The following TDRD6 variants were observed in gnomAD, a reference collection of about 807,000 sequenced individuals.
TDRD6 encodes tudor domain containing 6, also known as tudor domain-containing protein 6.
A neutral mutation model predicts 157.5 loss-of-function variants in TDRD6; 186 were observed. That is an observed-to-expected ratio of 1.18 (90% CI 1.05 to 1.33). TDRD6 has a LOEUF of 1.33. Ranked by LOEUF, TDRD6 falls within the 40% of genes most tolerant of loss-of-function variation. The pLI is 0.00. For missense variants in TDRD6, 3,066 were observed against 2,508.0 expected (o/e 1.22, Z -4.75); for synonymous variants, 1,075 against 945.2 (o/e 1.14, Z -2.52).
In TDRD6 at chr6:46,689,091, C is replaced by T. The variant is rs1415907448; in HGVS notation, c.963C>T (p.Gly321=). 4 of 1,614,132 alleles carry T rather than the reference C, an allele frequency of 2.5e-6. No homozygotes were observed. The highest frequency in any genetic ancestry group is 3.4e-6 in the Non-Finnish European group (4 of 1,180,032). Residue 321 remains glycine, a synonymous_variant, in exon 1 of 4, where the codon GGC becomes GGT. Transcript: ENST00000316081. ...DKPGSPCASC[G]LDGHWYRALL... Reference sequence around the variant, plus strand: ...CGGGCTCTCCGTGTGCATCCTGTGGCCTGGATGGACATTGGTACAGAGCAC... The same window carrying T: ...CGGGCTCTCCGTGTGCATCCTGTGGTCTGGATGGACATTGGTACAGAGCAC...
the TDRD6 span, among the ~76,000 whole-genome samples, chr6:46,681,201 TG>T: frequency 6.6e-6 from 1 of 152,250 alleles, no homozygotes; most frequent in Non-Finnish European, 1.5e-5. Flanking sequence ...ATAACACTTC[TG>T]ATTTTATGAA....
In TDRD6 at chr6:46,693,835, AAAC is replaced by A. The variant is rs1295269904; in HGVS notation, c.5709_5711del (p.Gln1904del). On this transcript the variant is annotated inframe_deletion, in exon 1 of 4. Transcript: ENST00000316081. ...GCTTCCTCTCAGCTGTGAAGCTGAG[AAAC>A]AGCCAGAACTAGAACTACCTACAGC... The A allele has an allele frequency of 1.2e-6, 2 of 1,614,242 alleles. No homozygotes were observed. The highest frequency in any genetic ancestry group is 2.7e-5 in the African/African-American group (2 of 75,068).
chr6:46,696,029 C>T (rs1168198415), intron 2 of TDRD6, 84 bp downstream of exon 2: 19 of 1,431,084 alleles, frequency 1.3e-5, no homozygotes, highest in Middle Eastern at 2.3e-4. Context: ...GACTAGAGAA[C>T]GCGATTGAAC....
Position 46,690,387 on chromosome 6 carries a change from G to A in TDRD6, c.2259G>A (p.Gln753=). The change falls in exon 1 of 4, where the codon CAG becomes CAA. Residue 753 remains glutamine (Q), a synonymous_variant. Transcript: ENST00000316081. The part of the protein sequence containing the change: ...KRASVYFPLM[Q]NCLEIKPGSS... ...CATCTGTTTATTTTCCTCTTATGCA[G>A]AATTGCTTGGAAATTAAGCCAGGCT... The A allele has an allele frequency of 6.2e-7, 1 of 1,613,898 alleles. No homozygotes were observed. The highest frequency in any genetic ancestry group is 8.5e-7 in the Non-Finnish European group (1 of 1,180,034).
At chr6:46,700,576 CA>C (rs1764600171) in intron 3 of TDRD6, among the ~76,000 whole-genome samples, 1 of 152,082 alleles carries the variant, frequency 6.6e-6, no homozygotes, top group African/African-American at 2.4e-5. Context: ...AATGCATGCA[CA>C]TGATGCTATT....
chr6:46,687,735 T>TG (rs1764138400), upstream of TDRD6: 1 of 185,890 alleles, frequency 5.4e-6, no homozygotes, highest in Non-Finnish European at 1.1e-5. Context: ...TCTGAGGAGA[T>TG]GCAGGTTGTG....
chr6:46,691,005 A>G lies in TDRD6; in HGVS notation c.2877A>G (p.Pro959=). The G allele has an allele frequency of 6.2e-7, 1 of 1,613,984 alleles. No homozygotes were observed. Among genetic ancestry groups the G allele is most frequent in the Non-Finnish European group, 8.5e-7 (1 of 1,179,952 alleles). Residue 959 remains proline (P), a synonymous_variant, in exon 1 of 4, where the codon CCA becomes CCG. Transcript: ENST00000316081. ...TGGTAGAAAAGAGACTTGCAAGACC[A>G]GTAAAACTTCAGAAGCCTTTGGAGT... ...HFLVEKRLAR[P]VKLQKPLESS...
In TDRD6 at chr6:46,692,420, C is replaced by G; in HGVS notation, c.4292C>G (p.Ser1431Cys). The G allele has an allele frequency of 1.2e-6, 2 of 1,614,122 alleles. No homozygotes were observed. Among genetic ancestry groups the G allele is most frequent in the Non-Finnish European group, 1.7e-6 (2 of 1,180,022 alleles). ...TTTGAGGTTCCTGACAATAAAAATTCTAAGAAAATGATGCATTACTTTTCC... is the reference window on the plus strand; with the variant it reads ...TTTGAGGTTCCTGACAATAAAAATTGTAAGAAAATGATGCATTACTTTTCC... Reference protein sequence around the residue: ...QGFEVPDNKNSKKMMHYFSQR... With the variant: ...QGFEVPDNKNCKKMMHYFSQR... The change falls in exon 1 of 4, where the codon TCT becomes TGT. Residue 1431 changes from serine to cysteine, a missense_variant. Transcript: ENST00000316081.
Position 46,688,186 on chromosome 6 carries a change from T to C in TDRD6, c.58T>C (p.Phe20Leu). 1 of 1,550,498 alleles carries C rather than the reference T, an allele frequency of 6.4e-7. No homozygotes were observed. The highest frequency in any genetic ancestry group is 8.7e-7 in the Non-Finnish European group (1 of 1,154,410). ...PGASLALRVSFVDVHPDVIPV... is the reference protein window; with the variant it reads ...PGASLALRVSLVDVHPDVIPV... The stretch of plus-strand genomic sequence containing the variant: ...GGCCTCGCTGGCCCTGCGGGTGTCC[T>C]TCGTGGACGTGCATCCCGATGTGAT... Residue 20 changes from phenylalanine to leucine, a missense_variant, in exon 1 of 4, where the codon TTC becomes CTC. Physicochemically the swap from Phe to Leu is conservative, Grantham distance 22. Transcript: ENST00000316081.
In TDRD6 at chr6:46,688,363, C is replaced by G. The variant is rs1307852524; in HGVS notation, c.235C>G (p.Leu79Val). The G allele has an allele frequency of 2.6e-6, 4 of 1,533,702 alleles. No homozygotes were observed. The Admixed American group carries it at 7.9e-5, about 30-fold the overall frequency. Residue 79 changes from leucine to valine, a missense_variant, in exon 1 of 4, where the codon CTT becomes GTT. By Grantham distance (32) the Leu-to-Val change is conservative. Transcript: ENST00000316081. ...CGAGCTGTGCCTGGTGCAGGTCGGG[C>G]TTTTGTGGCACCGCTGCCGCGTGGT... ...PGELCLVQVG[L>V]LWHRCRVVSR...
Position 46,701,872 on chromosome 6 carries a change from G to A in TDRD6, c.6276G>A (p.Glu2092=), listed in dbSNP as rs1184046739. ...DKSPPEKRGL[E]VMEI is the part of the protein sequence containing the mutation. ...TTTTGTTTCAGAAAAGGGGTTTGGA[G>A]GTGATGGAGATTTAACCGTGGATCT... The change falls in exon 4 of 4, where the codon GAG becomes GAA. Residue 2092 remains glutamate, a synonymous_variant. Coordinates refer to ENST00000316081, the MANE Select transcript of TDRD6 (RefSeq NM_001010870.3). The A allele has an allele frequency of 1.2e-6, 2 of 1,612,782 alleles. No homozygotes were observed. Among genetic ancestry groups the A allele is most frequent in the Non-Finnish European group, 1.7e-6 (2 of 1,179,022 alleles).
chr6:46,693,771 G>A lies in TDRD6; in HGVS notation c.5643G>A (p.Glu1881=). ...PVPPNVPLSQ[E]CVTKGAMELF... The stretch of plus-strand genomic sequence containing the variant: ...CACCGAATGTGCCACTCTCCCAAGA[G>A]TGTGTCACAAAAGGCGCCATGGAGC... The change falls in exon 1 of 4, where the codon GAG becomes GAA. Residue 1881 remains glutamate, a synonymous_variant. Transcript: ENST00000316081. 1.1e-5 allele frequency: 17 copies of A among 1,614,212 alleles called. No individual in the cohort carries two copies. Among genetic ancestry groups the A allele is most frequent in the Non-Finnish European group, 1.4e-5 (17 of 1,180,046 alleles).
At chr6:46,686,180 G>C (rs1161324399), upstream of TDRD6, among the ~76,000 whole-genome samples, 1 of 152,142 alleles carries the variant, frequency 6.6e-6, no homozygotes, top group Non-Finnish European at 1.5e-5. Context: ...GGTCTACAAA[G>C]GAGTTTGGTT....
In TDRD6 at chr6:46,691,553, A is replaced by G. The variant is rs1764319904; in HGVS notation, c.3425A>G (p.Tyr1142Cys). 6.2e-7 allele frequency: 1 copy of G among 1,613,746 alleles called. No homozygotes were observed. ...DPDGTLIIEL[Y>C]GDNIQISASI... is the part of the protein sequence containing the mutation. ...GATGGAACACTGATTATAGAACTATATGGTGACAATATTCAAATTAGTGCT... is the reference window on the plus strand; with the variant it reads ...GATGGAACACTGATTATAGAACTATGTGGTGACAATATTCAAATTAGTGCT... Residue 1142 changes from tyrosine to cysteine, a missense_variant, in exon 1 of 4, where the codon TAT (tyrosine) becomes TGT (cysteine). Physicochemically the swap from Tyr to Cys is radical, Grantham distance 194 (BLOSUM62 -2). Coordinates refer to ENST00000316081, the MANE Select transcript of TDRD6 (RefSeq NM_001010870.3).
the TDRD6 span, among the ~76,000 whole-genome samples, chr6:46,680,746 T>C: frequency 2.0e-5 from 3 of 152,194 alleles, no homozygotes; most frequent in Non-Finnish European, 4.4e-5. Context: ...CCCTACCTCC[T>C]TGGAAATGCA....
Position 46,701,957 on chromosome 6 carries a change from A to G in TDRD6, c.*70A>G. The G allele has an allele frequency of 6.5e-7, 1 of 1,536,552 alleles. No homozygotes were observed. The highest frequency in any genetic ancestry group is 8.9e-7 in the Non-Finnish European group (1 of 1,121,208). On this transcript the variant is annotated 3_prime_UTR_variant, in exon 4 of 4. Coordinates refer to ENST00000316081, the MANE Select transcript of TDRD6 (RefSeq NM_001010870.3). ...AACAAGTGGCATCTTACGCAGACCA[A>G]CAGAGTATTTGAGAAAATTGAAAAC...
In TDRD6 at chr6:46,692,161, C is replaced by G. The variant is rs753654701; in HGVS notation, c.4033C>G (p.Pro1345Ala). 1 of 1,614,052 alleles carries G rather than the reference C, an allele frequency of 6.2e-7. No individual in the cohort carries two copies. Among genetic ancestry groups the G allele is most frequent in the Non-Finnish European group, 8.5e-7 (1 of 1,179,966 alleles). ...GAGATTAAACAGTGTTAAAACAAGG[C>G]CCGAATATTATGTAGGTCCACCTTT... is the stretch of plus-strand genomic sequence containing the variant. The part of the protein sequence containing the change: ...SERLNSVKTR[P>A]EYYVGPPLQR... The change falls in exon 1 of 4, where the codon CCC becomes GCC. Residue 1345 changes from proline to alanine, a missense_variant. Physicochemically the swap from Pro to Ala is conservative, Grantham distance 27. Transcript: ENST00000316081.
chr6:46,694,488 A>T lies in TDRD6; in HGVS notation c.6046+314A>T, dbSNP rs188031194. On this transcript the variant is annotated intron_variant, in intron 1 of 3. Coordinates refer to ENST00000316081, the MANE Select transcript of TDRD6 (RefSeq NM_001010870.3). ...AAGTGTGCTTTTACTTTTAAGTTTA[A>T]CATAGTGACTTTCCAGAGTTGTTAT... 2.2e-3 allele frequency among the ~76,000 whole-genome samples: 335 copies of T among 152,238 alleles called. 1 individual carries two copies. Among genetic ancestry groups the T allele is most frequent in the Middle Eastern group, 6.8e-3 (2 of 294 alleles).
chr6:46,690,416 CTAG>C lies in TDRD6; in HGVS notation c.2291_2293del (p.Ser764del). 6.2e-7 allele frequency: 1 copy of C among 1,613,998 alleles called. No homozygotes were observed. Among genetic ancestry groups the C allele is most frequent in the Non-Finnish European group, 8.5e-7 (1 of 1,180,018 alleles). The stretch of plus-strand genomic sequence containing the variant: ...TGCTTGGAAATTAAGCCAGGCTCCT[CTAG>C]TAAAGGAGAGCTGGAAGTTGGAAGT... On this transcript the variant is annotated inframe_deletion, in exon 1 of 4. Coordinates refer to ENST00000316081, the MANE Select transcript of TDRD6 (RefSeq NM_001010870.3).
Sources: allele counts gnomAD v4.1 joint callset (sites outside exome capture counted in the v4.1 genomes callset), GRCh38; gene constraint gnomAD v4.1.1; transcripts MANE v1.5; gene names NCBI Gene and HGNC (gene_info 2026-07-23, HGNC 2026-07-21).